Variants in RIT1 observed in about 807,000 individuals in gnomAD.
RIT1 encodes Ras like without CAAX 1, also known as GTP-binding protein Rit1.
Under a neutral mutation model 25.6 loss-of-function variants are expected in RIT1, and 6 were observed. The observed-to-expected ratio is 0.23, with a 90% CI of 0.13 to 0.46. The LOEUF (loss-of-function observed/expected upper bound fraction) is 0.46, where lower values mean the gene tolerates loss of function less well. RIT1 is among the 20% of genes least tolerant of loss of function. The pLI, the probability that RIT1 is intolerant of heterozygous loss-of-function variation, is 0.99. For synonymous variants in RIT1, 81 were observed against 94.1 expected (o/e 0.86, Z 0.80); for missense variants, 219 against 284.4 (o/e 0.77, Z 1.65).
At chr1:155,908,107 A>C (rs1448782849) in intron 3 of RIT1, among the ~76,000 whole-genome samples, 1 of 150,904 alleles carries the variant, frequency 6.6e-6, no homozygotes, top group Admixed American at 6.6e-5. Context: ...AAAACAAAAA[A>C]AAAAATACAG....
intron 5 of RIT1, among the ~76,000 whole-genome samples, chr1:155,901,246 T>G (rs1673306111): frequency 6.6e-6 from 1 of 152,228 alleles, no homozygotes; most frequent in Non-Finnish European, 1.5e-5. Context: ...ACACCTGTAA[T>G]TCCAGAACTT....
intron 5 of RIT1, among the ~76,000 whole-genome samples, chr1:155,900,825 C>CT (rs34137561): frequency 4.1e-4 from 61 of 149,354 alleles, no homozygotes; most frequent in Middle Eastern, 7.1e-3. Context: ...TTCTAGTCTA[C>CT]TTTTTTTTTT....
chr1:155,902,565 G>A (rs530289439), intron 5 of RIT1, among the ~76,000 whole-genome samples: 1 of 151,132 alleles, frequency 6.6e-6, no homozygotes, highest in African/African-American at 2.4e-5. Flanking sequence ...AAAAACGCTG[G>A]GTGTGGTGGC....
chr1:155,899,308 G>A lies in RIT1; in HGVS notation c.*1080C>T, dbSNP rs1405050149. 4.6e-6 allele frequency: 1 copy of A among 215,446 alleles called. No homozygotes were observed. The allele number at this position is 215,446 out of a possible 1,614,324, so 13.3% of individuals were successfully genotyped here. ...ACCTATGTGAATTTTAAAGCTTTAA[G>A]ACTGACCCATTCAACAGAAATAGCA... is the stretch of plus-strand genomic sequence containing the variant. On this transcript the variant is annotated 3_prime_UTR_variant, in exon 6 of 6. Coordinates refer to ENST00000368323, the MANE Select transcript of RIT1 (RefSeq NM_006912.6).
rs1673232331 is a variant in RIT1, at chr1:155,898,504, A to T, written c.*1884T>A. On this transcript the variant is annotated 3_prime_UTR_variant, in exon 6 of 6. Transcript: ENST00000368323. ...CCTCATCTCTATTTAAAAAAAAAAA[A>T]AAAAAAAAAAAAAAATATATATATA... 2 of 109,582 alleles carry T rather than the reference A, an allele frequency of 1.8e-5. No homozygotes were observed. Among genetic ancestry groups the T allele is most frequent in the African/African-American group, 7.1e-5 (2 of 28,298 alleles). The allele number at this position is 109,582 out of a possible 1,614,324, so 6.8% of individuals were successfully genotyped here.
chr1:155,904,691 G>GTAAA (rs1673397754), intron 4 of RIT1, 40 bp downstream of exon 4: 1 of 1,480,978 alleles, frequency 6.8e-7, no homozygotes, highest in Middle Eastern at 1.7e-4. Context: ...CTTTGCTAGA[G>GTAAA]TAAAAAAGCC....
At chr1:155,903,826 T>C (rs748755654) in intron 5 of RIT1, among the ~76,000 whole-genome samples, 1 of 152,096 alleles carries the variant, frequency 6.6e-6, no homozygotes, top group South Asian at 2.1e-4. Context: ...CTGGGCAACA[T>C]AGTGAGATCC....
intron 2 of RIT1, 26 bp downstream of exon 2, chr1:155,910,630 C>T: frequency 6.2e-7 from 1 of 1,611,884 alleles, no homozygotes; most frequent in Non-Finnish European, 8.5e-7. Context: ...ATCCATGCTT[C>T]CTGTCAAATG....
rs1280903878 is a variant in RIT1, at chr1:155,898,939, T to C, written c.*1449A>G. 1 of 211,828 alleles carries C rather than the reference T, an allele frequency of 4.7e-6. No individual in the cohort carries two copies. The highest frequency in any genetic ancestry group is 5.9e-5 in the Admixed American group (1 of 16,980). 13.1% of individuals were successfully genotyped at this position (211,828 alleles called of 1,614,324 possible). On this transcript the variant is annotated 3_prime_UTR_variant, in exon 6 of 6. Coordinates refer to ENST00000368323, the MANE Select transcript of RIT1 (RefSeq NM_006912.6). ...TTCCTCTAATAAAAATGGAAAATAT[T>C]AAGATGAGCTGTGTGCTTATAAAGA...
At position 155,900,542 on chromosome 1, in the gene RIT1, T is replaced by C. The variant is rs763208084; in HGVS notation, c.506A>G (p.Tyr169Cys). 5.0e-6 allele frequency: 8 copies of C among 1,614,174 alleles called. No individual in the cohort carries two copies. The Admixed American group carries it at 1.3e-4, about 27-fold the overall frequency. ...PFFETSAAYR[Y>C]YIDDVFHALV... ...GGCATGGAAAACATCATCAATATAG[T>C]AGCGGTATGCAGCAGATGTCTCAAA... The change falls in exon 6 of 6, where the codon TAC (tyrosine) becomes TGC (cysteine). Residue 169 changes from tyrosine to cysteine, a missense_variant. By Grantham distance (194) the Tyr-to-Cys change is radical. This residue lies in a region of RIT1 where 81 missense variants were observed against 83.8 expected (regional missense o/e 0.97). Transcript: ENST00000368323.
intron 5 of RIT1, among the ~76,000 whole-genome samples, chr1:155,904,000 G>A (rs1171571858): frequency 7.2e-5 from 11 of 152,196 alleles, no homozygotes. Flanking sequence ...CCCAGGTCAA[G>A]GGATCCTCCC....
intron 3 of RIT1, among the ~76,000 whole-genome samples, chr1:155,906,606 CA>C (rs542683543): frequency 5.9e-5 from 9 of 151,380 alleles, no homozygotes; most frequent in Non-Finnish European, 1.3e-4. Flanking sequence ...ACTAAAAATA[CA>C]AAAATTATCT....
chr1:155,898,535 A>ATC lies in RIT1; in HGVS notation c.*1852_*1853insGA, dbSNP rs1673240850. 3 of 127,818 alleles carry ATC rather than the reference A, an allele frequency of 2.3e-5. No individual in the cohort carries two copies. Among genetic ancestry groups the ATC allele is most frequent in the Admixed American group, 8.4e-5 (1 of 11,926 alleles). 7.9% of individuals were successfully genotyped at this position (127,818 alleles called of 1,614,324 possible). On this transcript the variant is annotated 3_prime_UTR_variant, in exon 6 of 6. Coordinates refer to ENST00000368323, the MANE Select transcript of RIT1 (RefSeq NM_006912.6). ...AAAAAAAAAATATATATATATATAT[A>ATC]TATATATATCTCTTAATGTTAATAA...
chr1:155,902,793 A>T (rs1289759808), intron 5 of RIT1, among the ~76,000 whole-genome samples: 1 of 152,090 alleles, frequency 6.6e-6, no homozygotes. Context: ...CAGTGAGCCT[A>T]GATTGCGCCA....
intron 3 of RIT1, among the ~76,000 whole-genome samples, chr1:155,909,520 T>C (rs565544498): frequency 1.3e-5 from 2 of 152,206 alleles, no homozygotes; most frequent in African/African-American, 4.8e-5. Context: ...ATGACAGTAA[T>C]GTTCTTAGTC....
At position 155,903,274 on chromosome 1, in the gene RIT1, C is replaced by T. The variant is rs560826701; in HGVS notation, c.429+1037G>A. Among the ~76,000 whole-genome samples the T allele has an allele frequency of 1.9e-3, 280 of 150,092 alleles. 1 individual carries two copies. The highest frequency in any genetic ancestry group is 6.5e-3 in the African/African-American group (266 of 40,834). On this transcript the variant is annotated intron_variant, in intron 5 of 5. Transcript: ENST00000368323. ...TCGTGCCACTGCACGCCAGCCTGGG[C>T]GACAGACAAGACTCCGTCTCAAAAA... is the stretch of plus-strand genomic sequence containing the variant.
At position 155,910,444 on chromosome 1, in the gene RIT1, G is replaced by T. The variant is rs1157450415; in HGVS notation, c.163+6C>A. 3 of 1,610,188 alleles carry T rather than the reference G, an allele frequency of 1.9e-6. No homozygotes were observed. The highest frequency in any genetic ancestry group is 2.7e-5 in the African/African-American group (2 of 74,796). ...ATTTGGAAACATAAGTGATGATCTG[G>T]CTTACCAATGGTGGGATCATGATCT... On this transcript the variant is annotated splice_donor_region_variant and intron_variant, in intron 3 of 5. Transcript: ENST00000368323.
At chr1:155,900,765 T>C (rs528728324) in intron 5 of RIT1, 147 bp from the exon 6 acceptor site, 1 of 632,818 alleles carries the variant, frequency 1.6e-6, no homozygotes, top group Admixed American at 3.0e-5. Flanking sequence ...AATTTTAGGC[T>C]AGATTACTTC....
rs1433894009 is a variant in RIT1 at position 155,900,611 on chromosome 1, T to C, written c.437A>G (p.Lys146Arg). The C allele has an allele frequency of 6.2e-7, 1 of 1,613,802 alleles. No homozygotes were observed. Among genetic ancestry groups the C allele is most frequent in the Non-Finnish European group, 8.5e-7 (1 of 1,179,910 alleles). Residue 146 changes from lysine (K) to arginine (R), a missense_variant, in exon 6 of 6, where the codon AAG (lysine) becomes AGG (arginine). This residue lies in a region of RIT1 where 7 missense variants were observed against 27.0 expected (regional missense o/e 0.26). Transcript: ENST00000368323. ...SDLKQLRQVT[K>R]EEGLALAREF... ...TCGGGCCAAGGCCAATCCTTCTTCCTTGGTGACCTTTAAGGGCAAAATGTG... is the reference window on the plus strand; with the variant it reads ...TCGGGCCAAGGCCAATCCTTCTTCCCTGGTGACCTTTAAGGGCAAAATGTG...
Sources: gnomAD v4.1 joint callset for allele counts (sites outside exome capture counted in the v4.1 genomes callset) on GRCh38, gnomAD v4.1.1 for gene constraint, gnomAD v4.1.1 regional missense constraint, MANE v1.5 for transcripts, NCBI Gene and HGNC (gene_info 2026-07-23, HGNC 2026-07-21) for gene names.